Variants in CNOT9 observed in about 807,000 individuals in gnomAD.
CNOT9 encodes the protein CCR4-NOT transcription complex subunit 9.
Under a neutral mutation model 37.4 loss-of-function variants are expected in CNOT9, and 8 were observed. The observed-to-expected ratio is 0.21, with a 90% CI of 0.13 to 0.39. CNOT9 has a LOEUF of 0.39. Ranked by LOEUF, CNOT9 falls within the 10% of genes least tolerant of loss-of-function variation. CNOT9 has a pLI of 1.00. For missense variants in CNOT9, 154 were observed against 365.3 expected, an observed-to-expected ratio of 0.42 and a Z score of 4.71; for synonymous variants, 120 against 137.6, an observed-to-expected ratio of 0.87 and a Z score of 0.90.
At chr2:218,587,550 C>T in intron 4 of CNOT9, 36 bp from the exon 5 acceptor site, 1 of 1,534,882 alleles carries the variant, frequency 6.5e-7, no homozygotes, top group Non-Finnish European at 8.8e-7. Flanking sequence ...GAAACCCTAA[C>T]TGTAAAATAA....
intron 1 of CNOT9, among the ~76,000 whole-genome samples, chr2:218,572,302 CAA>C (rs1694027014): frequency 6.6e-6 from 1 of 152,124 alleles, no homozygotes; most frequent in Admixed American, 6.5e-5. Context: ...GCCTGGGAGA[CAA>C]GAGCAAGACT....
Position 218,594,070 on chromosome 2 carries a change from G to C in CNOT9, c.732-38G>C, listed in dbSNP as rs199709593. 2.5e-6 allele frequency: 4 copies of C among 1,605,942 alleles called. No homozygotes were observed. The Admixed American group carries it at 5.0e-5, about 20-fold the overall frequency. The stretch of plus-strand genomic sequence containing the variant: ...CTGTCCACAAAATGTGGGTTTATTT[G>C]TTGGTCTCCCTGGTTGGTTTGTTTG... On this transcript the variant is annotated intron_variant, in intron 7 of 7. Transcript: ENST00000273064.
chr2:218,587,091 T>C (rs982586968), intron 4 of CNOT9, among the ~76,000 whole-genome samples: 7 of 152,028 alleles, frequency 4.6e-5, no homozygotes, highest in African/African-American at 1.4e-4. Flanking sequence ...CCCACACATA[T>C]ATGGTCAGTT....
intron 1 of CNOT9, among the ~76,000 whole-genome samples, chr2:218,571,574 C>CT (rs34894382): frequency 0.45 from 64,837 of 142,574 alleles, 16,745 homozygotes; most frequent in East Asian, 0.68. Context: ...TTTTGTGATT[C>CT]TTTTTTTTTT....
chr2:218,582,254 A>G (rs1393639031), intron 2 of CNOT9, among the ~76,000 whole-genome samples: 1 of 152,182 alleles, frequency 6.6e-6, no homozygotes, highest in Non-Finnish European at 1.5e-5. Flanking sequence ...TGGTTGACTT[A>G]ACACTTTCTG....
intron 1 of CNOT9, among the ~76,000 whole-genome samples, chr2:218,572,158 T>TA (rs1296638346): frequency 6.7e-6 from 1 of 148,674 alleles, no homozygotes; most frequent in African/African-American, 2.5e-5. Flanking sequence ...TCATCTCTAC[T>TA]AAAAATACAA....
Position 218,596,683 on chromosome 2 carries a change from A to G in CNOT9, c.*2407A>G, listed in dbSNP as rs1035017152. Reference sequence around the variant, plus strand: ...ATGATGCCCCTTACCTGATAAAAGTATGTTTTACTGGGACAGAACTTCACT... The same window carrying G: ...ATGATGCCCCTTACCTGATAAAAGTGTGTTTTACTGGGACAGAACTTCACT... On this transcript the variant is annotated 3_prime_UTR_variant, in exon 8 of 8. Transcript: ENST00000273064. 3 of 152,248 alleles carry G rather than the reference A, an allele frequency of 2.0e-5. No individual in the cohort carries two copies. Among genetic ancestry groups the G allele is most frequent in the Admixed American group, 6.5e-5 (1 of 15,280 alleles). The allele number at this position is 152,248 out of a possible 1,614,324, so 9.4% of individuals were successfully genotyped here. A position where few individuals can be genotyped will look rare whatever the true frequency, so the allele number is the denominator to read the frequency against.
At chr2:218,577,782 G>A (rs531878132) in intron 1 of CNOT9, among the ~76,000 whole-genome samples, 1 of 152,310 alleles carries the variant, frequency 6.6e-6, no homozygotes, top group South Asian at 2.1e-4. Context: ...ACTGATGGTG[G>A]TATCTGTATG....
intron 1 of CNOT9, chr2:218,572,591 A>G (rs1314136327): frequency 3.0e-6 from 2 of 670,154 alleles, no homozygotes; most frequent in East Asian, 2.7e-4. Context: ...TGATCATGCT[A>G]CCGCACTTCA....
At chr2:218,569,164 A>C (rs898388608) in intron 1 of CNOT9, among the ~76,000 whole-genome samples, 186 bp downstream of exon 1, 17 of 152,104 alleles carry the variant, frequency 1.1e-4, no homozygotes, top group African/African-American at 3.9e-4. Context: ...TCCTTGCCGG[A>C]CGCCTCTCGC....
At chr2:218,576,029 A>G (rs1694154716) in intron 1 of CNOT9, among the ~76,000 whole-genome samples, 1 of 152,226 alleles carries the variant, frequency 6.6e-6, no homozygotes, top group South Asian at 2.1e-4. Context: ...AAATGAGGTT[A>G]ATAACCACCA....
chr2:218,569,949 T>TTA (rs1379270013), intron 1 of CNOT9, among the ~76,000 whole-genome samples: 1 of 152,134 alleles, frequency 6.6e-6, no homozygotes, highest in Non-Finnish European at 1.5e-5. Flanking sequence ...GCCTCTAACT[T>TTA]TAGTAGAGTA....
intron 7 of CNOT9, chr2:218,593,476 T>C: frequency 5.9e-6 from 7 of 1,179,606 alleles, no homozygotes; most frequent in Non-Finnish European, 8.0e-6. Context: ...GTGCAAAAAC[T>C]ATAACTTTGT....
chr2:218,569,998 G>A (rs1444581111), intron 1 of CNOT9, among the ~76,000 whole-genome samples: 1 of 152,084 alleles, frequency 6.6e-6, no homozygotes, highest in Non-Finnish European at 1.5e-5. Flanking sequence ...TATTGTATTC[G>A]TTTATTTGTT....
In CNOT9 at chr2:218,596,919, T is replaced by TGTG. The variant is rs1483941835; in HGVS notation, c.*2645_*2647dup. On this transcript the variant is annotated 3_prime_UTR_variant, in exon 8 of 8. Coordinates refer to ENST00000273064, the MANE Select transcript of CNOT9 (RefSeq NM_005444.3). ...CTTTTTTCAAGAGCCTTAGAGGGCC[T>TGTG]GTGGCCTGTTTCACTGGTGGAACAG... The TGTG allele has an allele frequency of 6.6e-6, 1 of 152,214 alleles. No individual in the cohort carries two copies. The allele number at this position is 152,214 out of a possible 1,614,324, so 9.4% of individuals were successfully genotyped here.
chr2:218,591,410 G>A (rs369281812), intron 5 of CNOT9, among the ~76,000 whole-genome samples: 2 of 152,172 alleles, frequency 1.3e-5, no homozygotes, highest in African/African-American at 2.4e-5. Context: ...AAAGAGAAGC[G>A]TGAAAATCTT....
At chr2:218,590,712 A>G (rs1694744915) in intron 5 of CNOT9, among the ~76,000 whole-genome samples, 1 of 152,102 alleles carries the variant, frequency 6.6e-6, no homozygotes, top group South Asian at 2.1e-4. Flanking sequence ...CTCCCTCTTC[A>G]GATCCAGCGA....
chr2:218,586,378 C>T (rs1199792234), intron 4 of CNOT9, among the ~76,000 whole-genome samples: 2 of 152,158 alleles, frequency 1.3e-5, no homozygotes, highest in Non-Finnish European at 2.9e-5. Flanking sequence ...CTTGTGCTCC[C>T]TCATTCGCTC....
At chr2:218,569,729 A>G (rs750516602) in intron 1 of CNOT9, among the ~76,000 whole-genome samples, 1 of 152,092 alleles carries the variant, frequency 6.6e-6, no homozygotes, top group Non-Finnish European at 1.5e-5. Context: ...ATTTTTCTCC[A>G]AGATGCACTT....
Sources: gnomAD v4.1 joint callset for allele counts (sites outside exome capture counted in the v4.1 genomes callset) on GRCh38, gnomAD v4.1.1 for gene constraint, MANE v1.5 for transcripts, NCBI Gene and HGNC (gene_info 2026-07-23, HGNC 2026-07-21) for gene names.